Variants in FRMD5 observed in about 807,000 individuals in gnomAD.
The protein encoded by FRMD5 is FERM domain containing 5.
In FRMD5, 20 loss-of-function variants were observed where a neutral mutation model predicts 69.0. The observed-to-expected ratio is 0.29, with a 90% CI of 0.20 to 0.42. The LOEUF (loss-of-function observed/expected upper bound fraction) is 0.42, where lower values mean the gene tolerates loss of function less well. FRMD5 is among the 10% of genes least tolerant of loss of function. The pLI is 1.00. For synonymous variants in FRMD5, 271 were observed against 260.1 expected, an observed-to-expected ratio of 1.04 and a Z score of -0.40; for missense variants, 595 against 708.6, an observed-to-expected ratio of 0.84 and a Z score of 1.82.
intron 1 of FRMD5, among the ~76,000 whole-genome samples, chr15:43,979,426 T>C (rs1379829969): frequency 6.6e-6 from 1 of 151,966 alleles, no homozygotes; most frequent in Admixed American, 6.6e-5. Context: ...TATTGATCCA[T>C]GGTTATTCAG....
chr15:44,105,863 C>A (rs1338214791), intron 1 of FRMD5, among the ~76,000 whole-genome samples: 1 of 152,172 alleles, frequency 6.6e-6, no homozygotes, highest in East Asian at 1.9e-4. Flanking sequence ...ACTACAGTTG[C>A]CCCTTGGGGA....
chr15:43,888,922 A>T, intron 8 of FRMD5, 50 bp from the exon 9 acceptor site: 1 of 1,542,938 alleles, frequency 6.5e-7, no homozygotes, highest in Non-Finnish European at 9.0e-7. Flanking sequence ...CTGCTTGTTC[A>T]CAGCTAAATC....
chr15:44,137,583 A>G (rs765151870), intron 1 of FRMD5, among the ~76,000 whole-genome samples: 2 of 152,220 alleles, frequency 1.3e-5, no homozygotes, highest in Non-Finnish European at 2.9e-5. Flanking sequence ...ACTGTAGCAC[A>G]GGAAGGCATA....
intron 1 of FRMD5, among the ~76,000 whole-genome samples, chr15:44,160,405 C>T (rs2077597621): frequency 6.6e-6 from 1 of 152,006 alleles, no homozygotes; most frequent in South Asian, 2.1e-4. Context: ...TAGAACAGAA[C>T]CTGAAAGGTG....
At chr15:44,084,939 G>A (rs1894137196) in intron 1 of FRMD5, among the ~76,000 whole-genome samples, 1 of 152,024 alleles carries the variant, frequency 6.6e-6, no homozygotes, top group Non-Finnish European at 1.5e-5. Context: ...ATCTGGGGAA[G>A]CAATCTGGGG....
At chr15:44,117,048 T>C (rs997245068) in intron 1 of FRMD5, among the ~76,000 whole-genome samples, 18 of 150,780 alleles carry the variant, frequency 1.2e-4, no homozygotes, top group Non-Finnish European at 2.2e-4. Context: ...GAGGTTGCAG[T>C]GAGCTGAGAT....
At chr15:44,142,183 CTTAA>C (rs1184044185) in intron 1 of FRMD5, among the ~76,000 whole-genome samples, 2 of 152,170 alleles carry the variant, frequency 1.3e-5, no homozygotes, top group Non-Finnish European at 2.9e-5. Context: ...AAAATGTCCT[CTTAA>C]TTAATACTGA....
rs1161912890 is a variant in FRMD5 at position 44,195,007 on chromosome 15, C to T, written c.48G>A (p.Glu16=). 3 of 1,561,488 alleles carry T rather than the reference C, an allele frequency of 1.9e-6. No homozygotes were observed. Among genetic ancestry groups the T allele is most frequent in the South Asian group, 2.3e-5 (2 of 85,720 alleles). Residue 16 remains glutamate, a synonymous_variant, in exon 1 of 14, where the codon GAG becomes GAA. Coordinates refer to ENST00000417257, the MANE Select transcript of FRMD5 (RefSeq NM_032892.5). ...MSGSSRSLER[E]YSCTVRLLDD... is the part of the protein sequence containing the mutation. Reference sequence around the variant, plus strand: ...CCAGCAGCCGCACGGTGCAGCTGTACTCGCGCTCCAGGCTCCTGCTGCTGC... The same window carrying T: ...CCAGCAGCCGCACGGTGCAGCTGTATTCGCGCTCCAGGCTCCTGCTGCTGC...
Position 44,195,141 on chromosome 15 carries a change from C to T in FRMD5, c.-87G>A. 2 of 1,057,626 alleles carry T rather than the reference C, an allele frequency of 1.9e-6. No homozygotes were observed. The highest frequency in any genetic ancestry group is 2.6e-6 in the Non-Finnish European group (2 of 757,172). 65.5% of individuals were successfully genotyped at this position (1,057,626 alleles called of 1,614,324 possible). Reference sequence around the variant, plus strand: ...TCAGCCCGGCAGCTCCGCACCGACCCCAGGCACCTGCACCATCACCCCGGC... The same window carrying T: ...TCAGCCCGGCAGCTCCGCACCGACCTCAGGCACCTGCACCATCACCCCGGC... On this transcript the variant is annotated 5_prime_UTR_variant, in exon 1 of 14. Transcript: ENST00000417257.
At chr15:44,032,012 C>T (rs1181876623) in intron 1 of FRMD5, among the ~76,000 whole-genome samples, 1 of 151,318 alleles carries the variant, frequency 6.6e-6, no homozygotes, top group Non-Finnish European at 1.5e-5. Context: ...GCACATAGAC[C>T]AATGGAACAG....
At chr15:44,068,632 G>A (rs927870435) in intron 1 of FRMD5, among the ~76,000 whole-genome samples, 21 of 152,230 alleles carry the variant, frequency 1.4e-4, no homozygotes, top group East Asian at 5.8e-4. Flanking sequence ...TAATGGGTAC[G>A]AGATTCCTTT....
intron 1 of FRMD5, among the ~76,000 whole-genome samples, chr15:43,962,942 C>T (rs1179051212): frequency 1.3e-5 from 2 of 152,140 alleles, no homozygotes; most frequent in Non-Finnish European, 2.9e-5. Context: ...AGACCTAAAA[C>T]CATAAAAACC....
At chr15:43,900,868 T>G (rs2089029603) in intron 7 of FRMD5, among the ~76,000 whole-genome samples, 1 of 152,062 alleles carries the variant, frequency 6.6e-6, no homozygotes. Flanking sequence ...CCGCCCACCT[T>G]GGCCTCCCAA....
At chr15:44,196,260 G>A (rs898094772), upstream of FRMD5, among the ~76,000 whole-genome samples, 5 of 152,074 alleles carry the variant, frequency 3.3e-5, no homozygotes, top group Non-Finnish European at 5.9e-5. Flanking sequence ...TCAGGAGTTC[G>A]AAACCAGCCT....
intron 1 of FRMD5, among the ~76,000 whole-genome samples, chr15:44,093,246 T>G (rs907166135): frequency 5.9e-5 from 9 of 152,172 alleles, no homozygotes; most frequent in Non-Finnish European, 1.3e-4. Context: ...CCCTTTTTAT[T>G]ACTTATAAAA....
intron 1 of FRMD5, among the ~76,000 whole-genome samples, chr15:44,133,369 G>A (rs1048880786): frequency 2.6e-5 from 4 of 151,880 alleles, no homozygotes; most frequent in Non-Finnish European, 5.9e-5. Context: ...AAGGTCAGGA[G>A]ATCGAGACCA....
intron 1 of FRMD5, among the ~76,000 whole-genome samples, chr15:44,110,445 T>C (rs1221519973): frequency 2.0e-5 from 3 of 152,236 alleles, no homozygotes; most frequent in African/African-American, 7.2e-5. Flanking sequence ...AGTAAGAGTA[T>C]CTTCAGGTTT....
chr15:44,063,790 T>C (rs762693818), intron 1 of FRMD5: 1 of 319,766 alleles, frequency 3.1e-6, no homozygotes, highest in Non-Finnish European at 6.1e-6. Context: ...TGGCACTAAT[T>C]ACATCATGGA....
chr15:44,054,838 G>C (rs558251583), intron 1 of FRMD5, among the ~76,000 whole-genome samples: 2 of 152,114 alleles, frequency 1.3e-5, no homozygotes, highest in Admixed American at 6.5e-5. Context: ...TTGGGAGGCC[G>C]AGGCGGGCAC....
Sources: allele counts gnomAD v4.1 joint callset (sites outside exome capture counted in the v4.1 genomes callset), GRCh38; gene constraint gnomAD v4.1.1; transcripts MANE v1.5; gene names NCBI Gene and HGNC (gene_info 2026-07-23, HGNC 2026-07-21).